The following SLIT1 variants were observed in gnomAD, a reference collection of about 807,000 sequenced individuals.
SLIT1 encodes the protein slit guidance ligand 1, also known as slit homolog 1 protein.
In SLIT1, 66 loss-of-function variants were observed where a neutral mutation model predicts 186.1. The ratio of observed to expected loss-of-function variants is 0.35; its 90% CI spans 0.29 to 0.44. The LOEUF (loss-of-function observed/expected upper bound fraction) is 0.44. Among genes scored for constraint, SLIT1 ranks in the 20% least tolerant of loss-of-function variants. The pLI is 1.00. For synonymous variants in SLIT1, 761 were observed against 833.8 expected (o/e 0.91, Z 1.50); for missense variants, 1,638 against 2,037.4 (o/e 0.80, Z 3.77).
intron 3 of SLIT1, among the ~76,000 whole-genome samples, chr10:97,162,636 C>T (rs1308699811): frequency 6.6e-6 from 1 of 152,020 alleles, no homozygotes; most frequent in African/African-American, 2.4e-5. Flanking sequence ...TAATAAAGTG[C>T]AATTAATATC....
intron 4 of SLIT1, among the ~76,000 whole-genome samples, chr10:97,119,941 A>ATATATATATATATATATATATATG (rs1179888328): frequency 1.5e-5 from 2 of 137,246 alleles, no homozygotes; most frequent in Admixed American, 7.3e-5. Flanking sequence ...ATATATATAT[A>ATATATATATATATATATATATATG]TATATGTATA....
rs41284246 is a variant in SLIT1, at chr10:97,001,545, G to T, written c.4367-195C>A. Among the ~76,000 whole-genome samples, 1,015 of 152,306 alleles carry T rather than the reference G, an allele frequency of 6.7e-3. 4 individuals carry two copies. Among genetic ancestry groups the T allele is most frequent in the Non-Finnish European group, 8.4e-3 (573 of 68,014 alleles). ...CACAAGCTTCCTCCCAGGGCCTACAGTCTGGTCCTAGCGTCAGGGCCCTCC... is the reference window on the plus strand; with the variant it reads ...CACAAGCTTCCTCCCAGGGCCTACATTCTGGTCCTAGCGTCAGGGCCCTCC... On this transcript the variant is annotated intron_variant, in intron 36 of 36. Transcript: ENST00000266058.
intron 3 of SLIT1, among the ~76,000 whole-genome samples, chr10:97,160,039 C>T (rs1202287763): frequency 1.3e-5 from 2 of 152,138 alleles, no homozygotes; most frequent in Admixed American, 1.3e-4. Context: ...TTCTCTACTC[C>T]CCATCCTGGC....
At chr10:97,026,235 G>A (rs967608435) in intron 25 of SLIT1, among the ~76,000 whole-genome samples, 1 of 152,040 alleles carries the variant, frequency 6.6e-6, no homozygotes, top group Non-Finnish European at 1.5e-5. Context: ...AGGCTGAGGC[G>A]GGTGGATCAC....
At chr10:97,125,354 G>A (rs1197902157) in intron 4 of SLIT1, among the ~76,000 whole-genome samples, 2 of 152,160 alleles carry the variant, frequency 1.3e-5, no homozygotes, top group East Asian at 3.9e-4. Context: ...GGGCAACATG[G>A]CAGAAATCCT....
chr10:97,179,885 C>T (rs1300036089), intron 1 of SLIT1, among the ~76,000 whole-genome samples: 1 of 149,732 alleles, frequency 6.7e-6, no homozygotes, highest in Non-Finnish European at 1.5e-5. Flanking sequence ...ATTTGTATGG[C>T]GATAATTACA....
intron 3 of SLIT1, among the ~76,000 whole-genome samples, chr10:97,160,567 C>T (rs1037076028): frequency 1.3e-5 from 2 of 152,036 alleles, no homozygotes; most frequent in African/African-American, 2.4e-5. Context: ...GTGGTTTAGG[C>T]GAGGCAAACA....
chr10:97,017,479 G>C (rs373170481), intron 28 of SLIT1, among the ~76,000 whole-genome samples: 1 of 152,222 alleles, frequency 6.6e-6, no homozygotes, highest in Non-Finnish European at 1.5e-5. Context: ...CGGTCCTGTG[G>C]GGAGCAGCCA....
At chr10:97,163,582 G>A (rs1313904489) in intron 2 of SLIT1, 131 bp from the exon 3 acceptor site, 2 of 766,828 alleles carry the variant, frequency 2.6e-6, no homozygotes, top group East Asian at 4.9e-5. Flanking sequence ...CAGGAGCCAT[G>A]CCCAAGCCTC....
At chr10:97,131,616 C>T (rs1049937245) in intron 4 of SLIT1, among the ~76,000 whole-genome samples, 2 of 152,248 alleles carry the variant, frequency 1.3e-5, no homozygotes, top group Non-Finnish European at 2.9e-5. Context: ...CCAAATGGCT[C>T]CACCACCTTA....
intron 4 of SLIT1, among the ~76,000 whole-genome samples, chr10:97,077,787 G>C (rs1162805755): frequency 6.6e-6 from 1 of 152,168 alleles, no homozygotes; most frequent in East Asian, 1.9e-4. Context: ...CACATGCTCT[G>C]TGAGGTCTGG....
At chr10:97,163,348 G>A (rs761737203) in intron 3 of SLIT1, 32 bp downstream of exon 3, 21 of 1,592,870 alleles carry the variant, frequency 1.3e-5, no homozygotes, top group East Asian at 4.5e-5. Flanking sequence ...CCAGCCCCCC[G>A]CCCTCCTGGC....
Position 97,004,371 on chromosome 10 carries a change from A to G in SLIT1, c.3711-149T>C, listed in dbSNP as rs1039460860. On this transcript the variant is annotated intron_variant, in intron 33 of 36. Coordinates refer to ENST00000266058, the MANE Select transcript of SLIT1 (RefSeq NM_003061.3). The surrounding 1 kb of genome is among the most constrained non-coding windows in gnomAD (Gnocchi z 5.1). ...CTGTGGGGGCTCAAGGGTCTATCGCATGATCCCTTTCACTCCCCTTCTTTG... is the reference window on the plus strand; with the variant it reads ...CTGTGGGGGCTCAAGGGTCTATCGCGTGATCCCTTTCACTCCCCTTCTTTG... 24 of 815,028 alleles carry G rather than the reference A, an allele frequency of 2.9e-5. No homozygotes were observed. The highest frequency in any genetic ancestry group is 4.1e-5 in the Non-Finnish European group (21 of 517,064). The allele number at this position is 815,028 out of a possible 1,614,324, so 50.5% of individuals were successfully genotyped here. A position where few individuals can be genotyped will look rare whatever the true frequency, so the allele number is the denominator to read the frequency against.
chr10:97,119,941 A>ATATATATATATATATG (rs1179888328), intron 4 of SLIT1, among the ~76,000 whole-genome samples: 17 of 137,230 alleles, frequency 1.2e-4, no homozygotes, highest in South Asian at 2.4e-4. Flanking sequence ...ATATATATAT[A>ATATATATATATATATG]TATATGTATA....
chr10:97,166,735 A>G (rs954129348), intron 1 of SLIT1, among the ~76,000 whole-genome samples: 10 of 152,184 alleles, frequency 6.6e-5, no homozygotes, highest in African/African-American at 2.4e-4. Flanking sequence ...GGTTGCTTCC[A>G]CTAAGATCAG....
In SLIT1 at chr10:97,086,394, A is replaced by C. The variant is rs531059151; in HGVS notation, c.414-20308T>G. On this transcript the variant is annotated intron_variant, in intron 4 of 36. Transcript: ENST00000266058. Reference sequence around the variant, plus strand: ...AGACCAGCCTGGCCAAAATGGTGAAACTCTGTCTCTACTAAAAAAAAAAAA... The same window carrying C: ...AGACCAGCCTGGCCAAAATGGTGAACCTCTGTCTCTACTAAAAAAAAAAAA... Among the ~76,000 whole-genome samples, 511 of 151,956 alleles carry C rather than the reference A, an allele frequency of 3.4e-3. 3 individuals carry two copies. The highest frequency in any genetic ancestry group is 0.012 in the African/African-American group (480 of 41,482).
At chr10:97,057,991 C>G in intron 11 of SLIT1, 1 of 717,488 alleles carries the variant, frequency 1.4e-6, no homozygotes, top group Non-Finnish European at 2.6e-6. Flanking sequence ...TGGGTACTTC[C>G]TCTTCAAACA....
intron 4 of SLIT1, among the ~76,000 whole-genome samples, chr10:97,123,300 G>A (rs544248360): frequency 6.6e-6 from 1 of 152,154 alleles, no homozygotes; most frequent in Non-Finnish European, 1.5e-5. Flanking sequence ...CCACAGTTTT[G>A]CAAAACAATA....
At chr10:97,027,125 C>T (rs1848552755) in intron 25 of SLIT1, among the ~76,000 whole-genome samples, 2 of 152,198 alleles carry the variant, frequency 1.3e-5, no homozygotes, top group African/African-American at 4.8e-5. Flanking sequence ...ACCAGGAACA[C>T]TGGATGGTAA....
Sources: gnomAD v4.1 joint callset for allele counts (sites outside exome capture counted in the v4.1 genomes callset) on GRCh38, gnomAD v4.1.1 for gene constraint, Gnocchi (gnomAD v3.1) non-coding constraint, MANE v1.5 for transcripts, NCBI Gene and HGNC (gene_info 2026-07-23, HGNC 2026-07-21) for gene names.